The following GRIK3 variants were observed in gnomAD, a reference collection of about 807,000 sequenced individuals.
GRIK3 encodes the protein glutamate receptor ionotropic, kainate 3.
In GRIK3, 29 loss-of-function variants were observed where a neutral mutation model predicts 102.5. The ratio of observed to expected loss-of-function variants is 0.28; its 90% CI spans 0.21 to 0.39. The LOEUF is 0.39. GRIK3 is among the 10% of genes least tolerant of loss of function. GRIK3 has a pLI of 1.00. For synonymous variants in GRIK3, 511 were observed against 504.9 expected (o/e 1.01, Z -0.16); for missense variants, 908 against 1,252.4 (o/e 0.73, Z 4.15).
At chr1:36,867,287 T>C (rs1020532249) in intron 5 of GRIK3, among the ~76,000 whole-genome samples, 1 of 152,164 alleles carries the variant, frequency 6.6e-6, no homozygotes, top group Admixed American at 6.5e-5. Context: ...CCAGATCCAA[T>C]TGTGGACTGG....
At chr1:36,971,346 C>T (rs917861724) in intron 1 of GRIK3, among the ~76,000 whole-genome samples, 10 of 152,220 alleles carry the variant, frequency 6.6e-5, no homozygotes, top group African/African-American at 1.7e-4. Context: ...CTGCCTTTGC[C>T]GTAGAATTGA....
chr1:36,895,960 G>T (rs1053168637), intron 1 of GRIK3, among the ~76,000 whole-genome samples: 3 of 152,168 alleles, frequency 2.0e-5, no homozygotes, highest in Non-Finnish European at 4.4e-5. Context: ...CAAGCAAGAA[G>T]AGGGTGAAGT....
At chr1:36,956,024 T>C (rs547833050) in intron 1 of GRIK3, among the ~76,000 whole-genome samples, 24 of 152,346 alleles carry the variant, frequency 1.6e-4, no homozygotes, top group Admixed American at 1.4e-3. Flanking sequence ...GCCTCCAGGC[T>C]CCACCAACAG....
At chr1:36,952,191 C>T (rs1385919768) in intron 1 of GRIK3, among the ~76,000 whole-genome samples, 1 of 152,312 alleles carries the variant, frequency 6.6e-6, no homozygotes, top group South Asian at 2.1e-4. Flanking sequence ...CCACGAGAGC[C>T]TACTCATCCC....
At chr1:36,890,526 C>T (rs1453853661) in intron 2 of GRIK3, among the ~76,000 whole-genome samples, 1 of 151,568 alleles carries the variant, frequency 6.6e-6, no homozygotes, top group Non-Finnish European at 1.5e-5. Context: ...TGCCAGAATA[C>T]AAGGCAAGGA....
At chr1:36,957,283 T>TCTGTGTGCCCCATGAGC (rs59088259) in intron 1 of GRIK3, among the ~76,000 whole-genome samples, 76,526 of 150,038 alleles carry the variant, frequency 0.51, 20,546 homozygotes, top group African/African-American at 0.68. Flanking sequence ...GTTCTGTGAG[T>TCTGTGTGCCCCATGAGC]CTGTGTGCCC....
At chr1:36,905,034 A>AGAGAGCT (rs1480702098) in intron 1 of GRIK3, among the ~76,000 whole-genome samples, 1 of 152,224 alleles carries the variant, frequency 6.6e-6, no homozygotes, top group Non-Finnish European at 1.5e-5. Flanking sequence ...GAAAGTAAAC[A>AGAGAGCT]GAGAGCTCAT....
At chr1:36,991,718 G>C (rs1642365386) in intron 1 of GRIK3, among the ~76,000 whole-genome samples, 2 of 152,232 alleles carry the variant, frequency 1.3e-5, no homozygotes, top group South Asian at 4.1e-4. Context: ...CCCTGTTTCA[G>C]GTCATTTGCT....
At chr1:37,015,715 G>A (rs536591803) in intron 1 of GRIK3, among the ~76,000 whole-genome samples, 6 of 152,122 alleles carry the variant, frequency 3.9e-5, no homozygotes, top group Non-Finnish European at 5.9e-5. Context: ...CCCCAACTCC[G>A]GCTCCAGCAG....
At chr1:36,855,296 C>T (rs1640637778) in intron 7 of GRIK3, among the ~76,000 whole-genome samples, 1 of 152,192 alleles carries the variant, frequency 6.6e-6, no homozygotes, top group Non-Finnish European at 1.5e-5. Flanking sequence ...CTGAATCGGG[C>T]TCCACAGCCT....
chr1:36,883,201 T>C (rs1404352174), intron 2 of GRIK3, among the ~76,000 whole-genome samples: 4 of 152,242 alleles, frequency 2.6e-5, no homozygotes, highest in Admixed American at 2.6e-4. Context: ...TTACATGCTG[T>C]TAGTCAAGCT....
chr1:37,006,268 C>T (rs901839162), intron 1 of GRIK3, among the ~76,000 whole-genome samples: 2 of 152,242 alleles, frequency 1.3e-5, no homozygotes, highest in African/African-American at 4.8e-5. Context: ...CAGAGCTTCT[C>T]CTCCTGCCCT....
intron 4 of GRIK3, among the ~76,000 whole-genome samples, chr1:36,870,846 C>T (rs1303781627): frequency 2.1e-5 from 3 of 143,158 alleles, no homozygotes; most frequent in Non-Finnish European, 4.5e-5. Context: ...TACATGGACC[C>T]GGCAGAGGGC....
intron 10 of GRIK3, among the ~76,000 whole-genome samples, chr1:36,839,982 G>C (rs1366393859): frequency 6.6e-6 from 1 of 152,182 alleles, no homozygotes. Flanking sequence ...TCCTGGAGAG[G>C]TGAAGTCATA....
rs574264256 is a variant in GRIK3 at position 36,994,905 on chromosome 1, C to T, written c.115+39089G>A. On this transcript the variant is annotated intron_variant, in intron 1 of 15. Coordinates refer to ENST00000373091, the MANE Select transcript of GRIK3 (RefSeq NM_000831.4). ...TCTGAACCTGCATTGGGAATCACAC[C>T]TTTCTCTCTGTGACAGTTCTCCTTG... Among the ~76,000 whole-genome samples the T allele has an allele frequency of 2.0e-5, 3 of 152,302 alleles. No individual in the cohort carries two copies. In the East Asian group the frequency reaches 5.8e-4, roughly 29 times the overall value.
At chr1:36,882,392 A>G (rs2124264798) in intron 2 of GRIK3, among the ~76,000 whole-genome samples, 2 of 152,340 alleles carry the variant, frequency 1.3e-5, no homozygotes, top group South Asian at 4.1e-4. Flanking sequence ...GACCCAGGGC[A>G]GCTGGGGCTC....
At chr1:36,994,513 A>G (rs1006514386) in intron 1 of GRIK3, among the ~76,000 whole-genome samples, 7 of 152,242 alleles carry the variant, frequency 4.6e-5, no homozygotes, top group African/African-American at 1.7e-4. Context: ...TTGTGAGGAT[A>G]AGCAAGTTCA....
chr1:36,980,764 C>T (rs1051816725), intron 1 of GRIK3, among the ~76,000 whole-genome samples: 1 of 152,090 alleles, frequency 6.6e-6, no homozygotes, highest in Non-Finnish European at 1.5e-5. Flanking sequence ...AGTTTAGGCT[C>T]CACAGTGGCA....
At chr1:36,882,090 C>G (rs1220279506) in intron 2 of GRIK3, among the ~76,000 whole-genome samples, 1 of 152,146 alleles carries the variant, frequency 6.6e-6, no homozygotes, top group Non-Finnish European at 1.5e-5. Flanking sequence ...CCCCCATGCC[C>G]TGTTTATTTC....
Sources: allele counts gnomAD v4.1 joint callset (sites outside exome capture counted in the v4.1 genomes callset), GRCh38; gene constraint gnomAD v4.1.1; transcripts MANE v1.5; gene names NCBI Gene and HGNC (gene_info 2026-07-23, HGNC 2026-07-21).